The following DLG2 variants were observed in gnomAD, a reference collection of about 807,000 sequenced individuals.
The protein encoded by DLG2 is disks large homolog 2.
DLG2 carries 45 observed loss-of-function variants against 132.5 expected under a neutral mutation model. The observed-to-expected ratio is 0.34, with a 90% CI of 0.27 to 0.44. The LOEUF is 0.44. DLG2 is among the 20% of genes least tolerant of loss of function. The pLI, the probability that DLG2 is intolerant of heterozygous loss-of-function variation, is 1.00. For missense variants in DLG2, 1,045 were observed against 1,196.9 expected (o/e 0.87, Z 1.87); for synonymous variants, 424 against 419.6 (o/e 1.01, Z -0.13).
At chr11:84,886,129 G>C (rs1292603873) in intron 6 of DLG2, among the ~76,000 whole-genome samples, 1 of 152,068 alleles carries the variant, frequency 6.6e-6, no homozygotes, top group Non-Finnish European at 1.5e-5. Context: ...ACCTGGGAAG[G>C]TCAGGAAAAG....
At chr11:84,280,331 C>T (rs374650633) in intron 7 of DLG2, among the ~76,000 whole-genome samples, 13 of 150,022 alleles carry the variant, frequency 8.7e-5, no homozygotes, top group East Asian at 5.9e-4. Flanking sequence ...GACGGAGTCA[C>T]GCTCTATCAC....
intron 6 of DLG2, among the ~76,000 whole-genome samples, chr11:84,790,107 T>C (rs1480638369): frequency 6.6e-6 from 1 of 152,202 alleles, no homozygotes; most frequent in African/African-American, 2.4e-5. Flanking sequence ...TAGCGAGCAG[T>C]ACGATTGCTG....
rs1245667086 is a variant in DLG2 at position 85,298,703 on chromosome 11, A to C, written c.41-13338T>G. ...TATTGGTATTATTGGTATTAACAGG[A>C]AATTAACCAATGTCCCAATATGTTA... On this transcript the variant is annotated intron_variant, in intron 3 of 27. Transcript: ENST00000376104. 7.9e-5 allele frequency among the ~76,000 whole-genome samples: 12 copies of C among 152,084 alleles called. No individual in the cohort carries two copies. The South Asian group carries it at 2.1e-3, about 26-fold the overall frequency.
intron 7 of DLG2, among the ~76,000 whole-genome samples, chr11:84,300,361 A>G (rs1414341553): frequency 1.3e-5 from 2 of 152,182 alleles, no homozygotes; most frequent in African/African-American, 4.8e-5. Flanking sequence ...TCAGGGTGAA[A>G]AAAAAAGAAC....
At chr11:85,622,111 G>A (rs1307990101) in intron 2 of DLG2, among the ~76,000 whole-genome samples, 2 of 152,112 alleles carry the variant, frequency 1.3e-5, no homozygotes, top group Admixed American at 6.5e-5. Context: ...ATTACTACTC[G>A]CTAAAGGCTC....
chr11:84,329,545 G>C (rs1244813560), intron 7 of DLG2, among the ~76,000 whole-genome samples: 3 of 152,192 alleles, frequency 2.0e-5, no homozygotes, highest in Non-Finnish European at 4.4e-5. Flanking sequence ...CTTCTGCCAT[G>C]ATTATCAGTT....
intron 8 of DLG2, among the ~76,000 whole-genome samples, chr11:84,231,993 T>C (rs1229308962): frequency 6.6e-6 from 1 of 151,892 alleles, no homozygotes; most frequent in Admixed American, 6.6e-5. Flanking sequence ...GTTGAGTTGA[T>C]AGTGAGGTAA....
At chr11:85,426,430 T>C (rs1409118410) in intron 3 of DLG2, among the ~76,000 whole-genome samples, 2 of 152,106 alleles carry the variant, frequency 1.3e-5, no homozygotes, top group African/African-American at 2.4e-5. Flanking sequence ...GAGACAAAAC[T>C]TCCAGAGGAA....
At chr11:84,177,432 T>A (rs1169626588) in intron 8 of DLG2, among the ~76,000 whole-genome samples, 1 of 152,188 alleles carries the variant, frequency 6.6e-6, no homozygotes, top group African/African-American at 2.4e-5. Flanking sequence ...GATTATATTA[T>A]CAGGCTGTGT....
chr11:83,986,028 CT>C (rs896343417), intron 11 of DLG2, among the ~76,000 whole-genome samples: 35 of 150,452 alleles, frequency 2.3e-4, no homozygotes, highest in Middle Eastern at 3.5e-3. Flanking sequence ...GTTTTTTTGA[CT>C]TTTTTTTTAA....
At chr11:84,729,148 T>C (rs1004236900) in intron 6 of DLG2, among the ~76,000 whole-genome samples, 1 of 152,168 alleles carries the variant, frequency 6.6e-6, no homozygotes, top group Non-Finnish European at 1.5e-5. Context: ...TTGTTTGCTG[T>C]TGCTTTTTAG....
intron 6 of DLG2, among the ~76,000 whole-genome samples, chr11:84,743,708 G>A (rs1234180548): frequency 2.0e-5 from 3 of 151,920 alleles, no homozygotes; most frequent in South Asian, 2.1e-4. Context: ...AATGACATGC[G>A]CCAAGAAAGT....
chr11:84,145,964 A>G (rs2095064540), intron 9 of DLG2, among the ~76,000 whole-genome samples: 1 of 152,188 alleles, frequency 6.6e-6, no homozygotes, highest in Non-Finnish European at 1.5e-5. Flanking sequence ...TTTCTAACAC[A>G]CACATTTTTT....
At chr11:85,056,186 TC>T (rs2063439464) in intron 6 of DLG2, among the ~76,000 whole-genome samples, 1 of 152,184 alleles carries the variant, frequency 6.6e-6, no homozygotes, top group South Asian at 2.1e-4. Context: ...ATAACCATAA[TC>T]GACATGGTTC....
chr11:84,700,110 C>T lies in DLG2; in HGVS notation c.358-165379G>A, dbSNP rs142120738. Among the ~76,000 whole-genome samples the T allele has an allele frequency of 1.6e-4, 25 of 151,732 alleles. No individual in the cohort carries two copies. In the East Asian group the frequency reaches 4.3e-3, roughly 26 times the overall value. On this transcript the variant is annotated intron_variant, in intron 6 of 27. Transcript: ENST00000376104. ...AATAAATGCTACTTTTCTTCCTTTACTTTCTTTGCTATTAATTCCTAACCC... is the reference window on the plus strand; with the variant it reads ...AATAAATGCTACTTTTCTTCCTTTATTTTCTTTGCTATTAATTCCTAACCC...
chr11:85,225,311 A>G (rs1180623438), intron 4 of DLG2, among the ~76,000 whole-genome samples: 2 of 152,046 alleles, frequency 1.3e-5, no homozygotes, highest in African/African-American at 4.8e-5. Flanking sequence ...AACCTCCATC[A>G]TGCTCATGAA....
chr11:84,731,886 A>G (rs1425812033), intron 6 of DLG2, among the ~76,000 whole-genome samples: 1 of 152,018 alleles, frequency 6.6e-6, no homozygotes, highest in Non-Finnish European at 1.5e-5. Context: ...AAACATATCT[A>G]TCACCTTCAA....
chr11:85,524,774 G>A (rs1332340784), intron 3 of DLG2, among the ~76,000 whole-genome samples: 1 of 152,106 alleles, frequency 6.6e-6, no homozygotes, highest in Non-Finnish European at 1.5e-5. Flanking sequence ...GATTAGAGGT[G>A]TAAGCCACTG....
At chr11:85,440,231 C>A (rs913365233) in intron 3 of DLG2, among the ~76,000 whole-genome samples, 2 of 152,112 alleles carry the variant, frequency 1.3e-5, no homozygotes, top group Non-Finnish European at 2.9e-5. Flanking sequence ...TCTATGTATT[C>A]GCTGTATGAC....
Sources: gnomAD v4.1 joint callset for allele counts (sites outside exome capture counted in the v4.1 genomes callset) on GRCh38, gnomAD v4.1.1 for gene constraint, MANE v1.5 for transcripts, NCBI Gene and HGNC (gene_info 2026-07-23, HGNC 2026-07-21) for gene names.